ZSWIM6: variants seen among roughly 807,000 people sequenced by gnomAD.
ZSWIM6 encodes zinc finger SWIM-type containing 6, also known as zinc finger SWIM domain-containing protein 6.
ZSWIM6 carries 9 observed loss-of-function variants against 113.2 expected under a neutral mutation model. That is an observed-to-expected ratio of 0.08 (90% CI 0.05 to 0.14). ZSWIM6 has a LOEUF of 0.14. Among genes scored for constraint, ZSWIM6 ranks in the 10% least tolerant of loss-of-function variants. The pLI is 1.00. For synonymous variants in ZSWIM6, 611 were observed against 606.5 expected, an observed-to-expected ratio of 1.01 and a Z score of -0.11; for missense variants, 1,162 against 1,552.2, an observed-to-expected ratio of 0.75 and a Z score of 4.22.
At chr5:61,482,600 A>C (rs1747903524) in intron 2 of ZSWIM6, among the ~76,000 whole-genome samples, 2 of 152,302 alleles carry the variant, frequency 1.3e-5, no homozygotes, top group South Asian at 2.1e-4. Flanking sequence ...TATAGGGTAC[A>C]TGTCTTATTC....
At chr5:61,523,026 TG>T (rs1297498758) in intron 5 of ZSWIM6, among the ~76,000 whole-genome samples, 4 of 152,208 alleles carry the variant, frequency 2.6e-5, no homozygotes, top group African/African-American at 9.6e-5. Flanking sequence ...TTGGCCTAGG[TG>T]ATACAATTTG....
At chr5:61,535,010 C>T (rs1272653925) in intron 9 of ZSWIM6, among the ~76,000 whole-genome samples, 1 of 152,276 alleles carries the variant, frequency 6.6e-6, no homozygotes, top group South Asian at 2.1e-4. Context: ...ACACCTCTCA[C>T]CCCTGATACA....
At chr5:61,393,661 T>C (rs1456462138) in intron 1 of ZSWIM6, among the ~76,000 whole-genome samples, 4 of 151,110 alleles carry the variant, frequency 2.6e-5, no homozygotes, top group Non-Finnish European at 5.9e-5. Context: ...TCACTTGAAC[T>C]CGGGGGGCGG....
In ZSWIM6 at chr5:61,482,158, T is replaced by G. The variant is rs527645177; in HGVS notation, c.1034-8628T>G. Among the ~76,000 whole-genome samples, 4 of 152,338 alleles carry G rather than the reference T, an allele frequency of 2.6e-5. No individual in the cohort carries two copies. In the South Asian group the frequency reaches 6.2e-4, roughly 24 times the overall value. On this transcript the variant is annotated intron_variant, in intron 2 of 13. Coordinates refer to ENST00000252744, the MANE Select transcript of ZSWIM6 (RefSeq NM_020928.2). ...GCCGTTAACAAGTAGACATAAATTTTGCAAATCTTACATTTTATATAAGGC... is the reference window on the plus strand; with the variant it reads ...GCCGTTAACAAGTAGACATAAATTTGGCAAATCTTACATTTTATATAAGGC...
At chr5:61,419,187 T>A (rs989566665) in intron 1 of ZSWIM6, among the ~76,000 whole-genome samples, 1 of 152,266 alleles carries the variant, frequency 6.6e-6, no homozygotes, top group South Asian at 2.1e-4. Flanking sequence ...AGGAAAGCCA[T>A]TGTGGCCTAT....
chr5:61,338,467 AT>A (rs565636078), intron 1 of ZSWIM6, among the ~76,000 whole-genome samples: 1 of 152,064 alleles, frequency 6.6e-6, no homozygotes, highest in South Asian at 2.1e-4. Flanking sequence ...TTGCATAGGT[AT>A]TTTTTATTGT....
At chr5:61,505,601 A>T (rs12514375) in intron 4 of ZSWIM6, among the ~76,000 whole-genome samples, 29,022 of 77,598 alleles carry the variant, frequency 0.37, 5,641 homozygotes, top group South Asian at 0.48. Context: ...TCTATGATTT[A>T]CCTTCCTTCC....
Position 61,541,980 on chromosome 5 carries a change from G to A in ZSWIM6, c.2785+15G>A, listed in dbSNP as rs1398652149. 3 of 1,547,244 alleles carry A rather than the reference G, an allele frequency of 1.9e-6. No homozygotes were observed. Among genetic ancestry groups the A allele is most frequent in the Non-Finnish European group, 2.6e-6 (3 of 1,143,340 alleles). ...TACTGAAGTCGGTAGGTAAACTCTG[G>A]AACAGAAGCTTTCCTAGGTGCCTCA... On this transcript the variant is annotated intron_variant, in intron 13 of 13. Transcript: ENST00000252744.
Position 61,403,181 on chromosome 5 carries a change from A to G in ZSWIM6, c.677-69500A>G, listed in dbSNP as rs569511765. Among the ~76,000 whole-genome samples the G allele has an allele frequency of 1.1e-3, 160 of 152,296 alleles. 1 individual carries two copies. Among genetic ancestry groups the G allele is most frequent in the African/African-American group, 3.6e-3 (150 of 41,580 alleles). On this transcript the variant is annotated intron_variant, in intron 1 of 13. Transcript: ENST00000252744. ...TGTCTTTGATAGCTTTCTTGAGGTA[A>G]CTCTAGTCCTTTAAGACTATCTTGA...
At chr5:61,519,022 C>T (rs1473271995) in intron 4 of ZSWIM6, among the ~76,000 whole-genome samples, 1 of 151,996 alleles carries the variant, frequency 6.6e-6, no homozygotes, top group Non-Finnish European at 1.5e-5. Context: ...GCCAGTTTTC[C>T]CAGCACCATT....
At chr5:61,481,377 A>G (rs899796156) in intron 2 of ZSWIM6, among the ~76,000 whole-genome samples, 12 of 152,070 alleles carry the variant, frequency 7.9e-5, no homozygotes, top group Non-Finnish European at 1.8e-4. Flanking sequence ...TGGCGTATAT[A>G]TGCTTTATTA....
chr5:61,419,834 T>C (rs550650694), intron 1 of ZSWIM6, among the ~76,000 whole-genome samples: 4 of 152,282 alleles, frequency 2.6e-5, no homozygotes, highest in African/African-American at 9.6e-5. Flanking sequence ...GGATATACAA[T>C]AGGTTGATCT....
At chr5:61,498,633 C>A (rs1190337306) in intron 4 of ZSWIM6, among the ~76,000 whole-genome samples, 1 of 152,162 alleles carries the variant, frequency 6.6e-6, no homozygotes, top group Non-Finnish European at 1.5e-5. Flanking sequence ...CAGTAGAGAA[C>A]ACAGCCTACC....
At chr5:61,541,736 A>G (rs930026072) in intron 12 of ZSWIM6, 148 bp from the exon 13 acceptor site, 6 of 641,244 alleles carry the variant, frequency 9.4e-6, no homozygotes, top group South Asian at 2.6e-5. Context: ...ATCCAAATTC[A>G]TATGTAGAGC....
intron 5 of ZSWIM6, among the ~76,000 whole-genome samples, chr5:61,523,941 G>A (rs1440193740): frequency 1.3e-5 from 2 of 152,206 alleles, no homozygotes; most frequent in African/African-American, 2.4e-5. Context: ...TTATAAAAAT[G>A]GAATCATGTT....
At chr5:61,378,559 A>T (rs1039208566) in intron 1 of ZSWIM6, among the ~76,000 whole-genome samples, 1 of 147,664 alleles carries the variant, frequency 6.8e-6, no homozygotes, top group Non-Finnish European at 1.5e-5. Context: ...CCTTTCAGAT[A>T]TTTTTTTTTT....
intron 1 of ZSWIM6, among the ~76,000 whole-genome samples, chr5:61,411,615 A>AT: frequency 6.6e-6 from 1 of 152,362 alleles, no homozygotes; most frequent in East Asian, 1.9e-4. Context: ...CTTATAAACC[A>AT]TACAAATTTA....
chr5:61,492,803 G>A (rs1348832373), intron 3 of ZSWIM6, among the ~76,000 whole-genome samples: 5 of 152,008 alleles, frequency 3.3e-5, no homozygotes, highest in Non-Finnish European at 5.9e-5. Context: ...TTTCTTGAGG[G>A]TGCAGACCTC....
chr5:61,409,071 G>GTTTTTTT (rs745675137), intron 1 of ZSWIM6, among the ~76,000 whole-genome samples: 1 of 118,700 alleles, frequency 8.4e-6, no homozygotes, highest in African/African-American at 3.3e-5. Flanking sequence ...GAGGGGAAAG[G>GTTTTTTT]TTTTTTTTTT....
Sources: gnomAD v4.1 joint callset for allele counts (sites outside exome capture counted in the v4.1 genomes callset) on GRCh38, gnomAD v4.1.1 for gene constraint, MANE v1.5 for transcripts, NCBI Gene and HGNC (gene_info 2026-07-23, HGNC 2026-07-21) for gene names.